The following FAM13C variants were observed in gnomAD, a reference collection of about 807,000 sequenced individuals.
FAM13C encodes the protein protein FAM13C.
In FAM13C, 37 loss-of-function variants were observed where a neutral mutation model predicts 73.2. The observed-to-expected ratio is 0.51, with a 90% CI of 0.39 to 0.67. FAM13C has a LOEUF of 0.67. Ranked by LOEUF, FAM13C falls within the 30% of genes least tolerant of loss-of-function variation. The pLI is 0.00. For missense variants in FAM13C, 589 were observed against 715.6 expected, an observed-to-expected ratio of 0.82 and a Z score of 2.02; for synonymous variants, 246 against 260.9, an observed-to-expected ratio of 0.94 and a Z score of 0.55.
chr10:59,327,430 T>G (rs939736575), intron 3 of FAM13C, among the ~76,000 whole-genome samples: 4 of 152,180 alleles, frequency 2.6e-5, no homozygotes, highest in African/African-American at 4.8e-5. Context: ...AAGCCAAGGC[T>G]TACTTCCTTG....
intron 5 of FAM13C, among the ~76,000 whole-genome samples, chr10:59,287,014 A>G (rs1380869599): frequency 7.3e-6 from 1 of 136,452 alleles, no homozygotes; most frequent in Non-Finnish European, 1.5e-5. Context: ...AGCCTGGGCA[A>G]TAGAGCGAGA....
intron 4 of FAM13C, among the ~76,000 whole-genome samples, chr10:59,308,213 C>A (rs1848472477): frequency 6.6e-6 from 1 of 152,176 alleles, no homozygotes; most frequent in Non-Finnish European, 1.5e-5. Context: ...TCCTCTAGCC[C>A]AGGTCCTGGC....
At chr10:59,270,378 A>C (rs1300685290) in intron 6 of FAM13C, 2 of 376,674 alleles carry the variant, frequency 5.3e-6, no homozygotes, top group South Asian at 4.1e-5. Context: ...CTACAAAACA[A>C]TCTTCTTTTC....
intron 5 of FAM13C, among the ~76,000 whole-genome samples, chr10:59,291,485 A>G (rs896717504): frequency 1.1e-4 from 16 of 152,006 alleles, no homozygotes; most frequent in Non-Finnish European, 1.8e-4. Context: ...ACTCTCCGCC[A>G]CCTCCCAAAG....
Position 59,352,285 on chromosome 10 carries a change from G to C in FAM13C, c.309C>G (p.Ser103Arg). ...GAGCTGCTACCTGACTTTCTCCGTG[G>C]CTCCTCCCGCTCTCCGCTTTGAAGA... ...KSIFKAESGR[S>R]HGESQETEHV... is the part of the protein sequence containing the mutation. The change falls in exon 3 of 14, where the codon AGC becomes AGG. Residue 103 changes from serine (S) to arginine (R), a missense_variant. Ser to Arg is a moderately radical substitution (Grantham distance 110, BLOSUM62 -1). Coordinates refer to ENST00000618804, the MANE Select transcript of FAM13C (RefSeq NM_198215.4). 1 of 1,613,916 alleles carries C rather than the reference G, an allele frequency of 6.2e-7. No homozygotes were observed. Among genetic ancestry groups the C allele is most frequent in the Non-Finnish European group, 8.5e-7 (1 of 1,180,002 alleles).
chr10:59,302,003 A>G (rs1211494163), intron 5 of FAM13C, among the ~76,000 whole-genome samples: 10 of 120,932 alleles, frequency 8.3e-5, no homozygotes, highest in Non-Finnish European at 1.7e-4. Flanking sequence ...ATGCATCTTC[A>G]AAACGTCAAA....
chr10:59,293,847 C>G (rs1391085207), intron 5 of FAM13C, among the ~76,000 whole-genome samples: 8 of 152,180 alleles, frequency 5.3e-5, no homozygotes, highest in Non-Finnish European at 1.0e-4. Context: ...ATTTGCTTCT[C>G]AATAAATCCT....
intron 4 of FAM13C, among the ~76,000 whole-genome samples, chr10:59,308,144 A>G (rs1298213052): frequency 6.6e-6 from 1 of 152,184 alleles, no homozygotes; most frequent in African/African-American, 2.4e-5. Flanking sequence ...GCATGCTTTT[A>G]AAGGGGACCA....
intron 4 of FAM13C, among the ~76,000 whole-genome samples, chr10:59,312,996 T>G (rs1265966056): frequency 6.6e-6 from 1 of 152,220 alleles, no homozygotes; most frequent in African/African-American, 2.4e-5. Flanking sequence ...TCTTCTGACA[T>G]CAACCTCCCT....
At chr10:59,358,785 G>A (rs1856032546) in intron 1 of FAM13C, among the ~76,000 whole-genome samples, 2 of 152,186 alleles carry the variant, frequency 1.3e-5, no homozygotes, top group Non-Finnish European at 2.9e-5. Context: ...AGTTGGAGAA[G>A]ATTCTGAAGT....
intron 5 of FAM13C, among the ~76,000 whole-genome samples, chr10:59,299,904 A>C (rs284596): frequency 0.76 from 115,316 of 151,778 alleles, 44,006 homozygotes; most frequent in Middle Eastern, 0.81. Flanking sequence ...CCCAGAGACA[A>C]CAAAAAATGT....
At chr10:59,298,611 T>C (rs1229848939) in intron 5 of FAM13C, among the ~76,000 whole-genome samples, 2 of 152,132 alleles carry the variant, frequency 1.3e-5, no homozygotes, top group East Asian at 3.9e-4. Flanking sequence ...TGATCACAAT[T>C]CTTCACGTAC....
intron 5 of FAM13C, among the ~76,000 whole-genome samples, chr10:59,286,002 G>A (rs571497219): frequency 5.3e-5 from 8 of 152,202 alleles, no homozygotes; most frequent in Non-Finnish European, 1.2e-4. Context: ...AACACAAGGT[G>A]GACACAGCCC....
intron 10 of FAM13C, among the ~76,000 whole-genome samples, chr10:59,255,936 A>T (rs1841909978): frequency 6.6e-6 from 1 of 151,900 alleles, no homozygotes; most frequent in Admixed American, 6.6e-5. Flanking sequence ...ATACATCCCC[A>T]TCCCTACTAC....
At position 59,328,279 on chromosome 10, in the gene FAM13C, A is replaced by G. The variant is rs150923179; in HGVS notation, c.325-4173T>C. ...ATAACAAAAGGAAAGCTATTAACTC[A>G]AGAGGCTCAAAACTCAAACTTAGTT... On this transcript the variant is annotated intron_variant, in intron 3 of 13. Coordinates refer to ENST00000618804, the MANE Select transcript of FAM13C (RefSeq NM_198215.4). Among the ~76,000 whole-genome samples the G allele has an allele frequency of 2.2e-4, 34 of 152,324 alleles. No homozygotes were observed. The East Asian group carries it at 4.4e-3, about 20-fold the overall frequency.
chr10:59,281,677 C>T (rs1313231095), intron 6 of FAM13C, among the ~76,000 whole-genome samples: 1 of 152,172 alleles, frequency 6.6e-6, no homozygotes, highest in Non-Finnish European at 1.5e-5. Flanking sequence ...TATTTATTTT[C>T]ATTTTATAAC....
chr10:59,339,283 C>A (rs111909794), intron 3 of FAM13C, among the ~76,000 whole-genome samples: 1 of 152,038 alleles, frequency 6.6e-6, no homozygotes, highest in African/African-American at 2.4e-5. Flanking sequence ...CAAGTGGACA[C>A]GAATTTGAAG....
intron 1 of FAM13C, among the ~76,000 whole-genome samples, chr10:59,356,234 A>G (rs1855697500): frequency 6.6e-6 from 1 of 152,194 alleles, no homozygotes; most frequent in South Asian, 2.1e-4. Context: ...TTGAGGGGAC[A>G]TTGGACACCA....
intron 5 of FAM13C, among the ~76,000 whole-genome samples, chr10:59,287,430 GT>G (rs1252738932): frequency 1.4e-5 from 2 of 146,984 alleles, no homozygotes; most frequent in African/African-American, 5.0e-5. Flanking sequence ...GAAAGGTAAA[GT>G]AAAAAGAAAG....
Sources: allele counts gnomAD v4.1 joint callset (sites outside exome capture counted in the v4.1 genomes callset), GRCh38; gene constraint gnomAD v4.1.1; transcripts MANE v1.5; gene names NCBI Gene and HGNC (gene_info 2026-07-23, HGNC 2026-07-21).